Variants in MYLK observed in about 807,000 individuals in gnomAD.
MYLK encodes myosin light chain kinase, smooth muscle.
MYLK carries 106 observed loss-of-function variants against 203.4 expected under a neutral mutation model. The observed-to-expected ratio is 0.52, with a 90% CI of 0.45 to 0.61. The LOEUF is 0.61. MYLK is among the 20% of genes least tolerant of loss of function. The probability of loss-of-function intolerance (pLI) is 0.00; values close to 1 mark genes in which losing one functional copy is unlikely to be tolerated. For synonymous variants in MYLK, 867 were observed against 959.5 expected, an observed-to-expected ratio of 0.90 and a Z score of 1.78; for missense variants, 2,072 against 2,442.3, an observed-to-expected ratio of 0.85 and a Z score of 3.20.
chr3:123,803,906 T>A (rs546538079), intron 3 of MYLK, among the ~76,000 whole-genome samples: 1 of 152,262 alleles, frequency 6.6e-6, no homozygotes, highest in African/African-American at 2.4e-5. Flanking sequence ...TTGGATGAGG[T>A]CTGTCCAGAG....
intron 13 of MYLK, among the ~76,000 whole-genome samples, chr3:123,712,778 T>C (rs1476392013): frequency 1.3e-5 from 2 of 152,230 alleles, no homozygotes; most frequent in African/African-American, 2.4e-5. Flanking sequence ...GGAGTCGTGG[T>C]ATCATCACAG....
rs2061117951 is a variant in MYLK at position 123,700,010 on chromosome 3, G to A, written c.3448+10C>T. Reference sequence around the variant, plus strand: ...AGGCCCCTTCTTCCCCAACCCCCATGCTCATTTACCTTCCTGGGAGAGGAT... The same window carrying A: ...AGGCCCCTTCTTCCCCAACCCCCATACTCATTTACCTTCCTGGGAGAGGAT... On this transcript the variant is annotated intron_variant, in intron 18 of 33. Coordinates refer to ENST00000360304, the MANE Select transcript of MYLK (RefSeq NM_053025.4). 2.5e-6 allele frequency: 4 copies of A among 1,614,100 alleles called. No individual in the cohort carries two copies. Among genetic ancestry groups the A allele is most frequent in the South Asian group, 1.1e-5 (1 of 91,060 alleles).
At chr3:123,617,573 C>CT (rs1230541540) in intron 33 of MYLK, 1 of 152,220 alleles carries the variant, frequency 6.6e-6, no homozygotes, top group Non-Finnish European at 1.5e-5. Context: ...AAGGCATTGT[C>CT]TAGTCACATT....
chr3:123,866,686 C>T (rs1361960106), intron 2 of MYLK, among the ~76,000 whole-genome samples: 3 of 152,070 alleles, frequency 2.0e-5, no homozygotes, highest in Non-Finnish European at 4.4e-5. Context: ...TGGAAAATAC[C>T]ACATTGTCCC....
At chr3:123,653,356 G>A (rs975876674) in intron 24 of MYLK, among the ~76,000 whole-genome samples, 12 of 152,118 alleles carry the variant, frequency 7.9e-5, no homozygotes, top group Non-Finnish European at 1.8e-4. Context: ...GCAGACCGTG[G>A]AGGACTTTTG....
chr3:123,675,247 A>G (rs1264694926), intron 20 of MYLK, among the ~76,000 whole-genome samples: 1 of 152,260 alleles, frequency 6.6e-6, no homozygotes, highest in Admixed American at 6.5e-5. Context: ...AAATAGCCCA[A>G]TAAAAACATG....
At chr3:123,747,473 G>T (rs539576302) in intron 5 of MYLK, among the ~76,000 whole-genome samples, 3 of 152,308 alleles carry the variant, frequency 2.0e-5, no homozygotes, top group Non-Finnish European at 4.4e-5. Flanking sequence ...CCCAGTCAGT[G>T]TTTTCAGCAG....
chr3:123,645,771 A>G (rs2058996740), intron 27 of MYLK, among the ~76,000 whole-genome samples: 1 of 152,214 alleles, frequency 6.6e-6, no homozygotes, highest in South Asian at 2.1e-4. Flanking sequence ...TTTCTATACA[A>G]CAAAACCCCA....
Position 123,735,317 on chromosome 3 carries a change from G to T in MYLK, c.773+81C>A. 3.2e-6 allele frequency: 5 copies of T among 1,569,770 alleles called. No individual in the cohort carries two copies. In the South Asian group the frequency reaches 5.6e-5, roughly 17 times the overall value. ...TTCTTCTGCCCCATAAGATGATTCA[G>T]AAATTCAGGGCATTTCTCGGTAACA... On this transcript the variant is annotated intron_variant, in intron 9 of 33. Transcript: ENST00000360304.
intron 2 of MYLK, among the ~76,000 whole-genome samples, chr3:123,862,541 T>C (rs1261874726): frequency 6.6e-6 from 1 of 151,982 alleles, no homozygotes; most frequent in Non-Finnish European, 1.5e-5. Context: ...TAACAGAGAG[T>C]AGGCATCCTA....
chr3:123,834,406 C>T (rs1057327618), intron 2 of MYLK, among the ~76,000 whole-genome samples: 1 of 151,854 alleles, frequency 6.6e-6, no homozygotes, highest in African/African-American at 2.4e-5. Flanking sequence ...TAAAATATGT[C>T]TTGGGATTTT....
intron 2 of MYLK, among the ~76,000 whole-genome samples, chr3:123,855,145 C>A (rs970495064): frequency 9.2e-5 from 14 of 152,198 alleles, no homozygotes; most frequent in African/African-American, 3.4e-4. Context: ...TTACTCAATT[C>A]TGGAAAATTA....
In MYLK at chr3:123,770,561, G is replaced by A. The variant is rs1396853430; in HGVS notation, c.166-18023C>T. On this transcript the variant is annotated intron_variant, in intron 4 of 33. Transcript: ENST00000360304. ...GGCATCACTGACAGACTGCGTCCAG[G>A]TACAAGTGCCACGTGTTAATAGGAT... is the stretch of plus-strand genomic sequence containing the variant. 3.9e-5 allele frequency among the ~76,000 whole-genome samples: 6 copies of A among 152,202 alleles called. No homozygotes were observed. In the South Asian group the frequency reaches 1.2e-3, roughly 32 times the overall value.
intron 20 of MYLK, among the ~76,000 whole-genome samples, chr3:123,670,436 T>C (rs1011023469): frequency 6.6e-6 from 1 of 152,012 alleles, no homozygotes; most frequent in Admixed American, 6.5e-5. Flanking sequence ...ACAGCAGTGG[T>C]ATGAGGATAG....
At chr3:123,742,612 C>T (rs2062888752) in intron 5 of MYLK, among the ~76,000 whole-genome samples, 1 of 152,144 alleles carries the variant, frequency 6.6e-6, no homozygotes, top group Non-Finnish European at 1.5e-5. Context: ...CATACAACAG[C>T]ATTATCCAGT....
At chr3:123,807,416 G>A (rs1353858531) in intron 3 of MYLK, among the ~76,000 whole-genome samples, 2 of 150,114 alleles carry the variant, frequency 1.3e-5, no homozygotes, top group Admixed American at 6.6e-5. Flanking sequence ...GCAATGGAGT[G>A]AAACTCCATC....
Position 123,701,399 on chromosome 3 carries a change from G to C in MYLK, c.2462+39C>G, listed in dbSNP as rs73860127. Reference sequence around the variant, plus strand: ...CGGGGCCAGGAGGAAGGTGGGGATGGGGGCATGGCCTGGAGGGGCAGCTCC... The same window carrying C: ...CGGGGCCAGGAGGAAGGTGGGGATGCGGGCATGGCCTGGAGGGGCAGCTCC... On this transcript the variant is annotated intron_variant, in intron 17 of 33. Transcript: ENST00000360304. 447 of 1,603,120 alleles carry C rather than the reference G, an allele frequency of 2.8e-4. 3 individuals are homozygous for C. The African/African-American group carries it at 5.5e-3, about 20-fold the overall frequency.
At chr3:123,726,516 G>A (rs1242273672) in intron 11 of MYLK, among the ~76,000 whole-genome samples, 1 of 152,014 alleles carries the variant, frequency 6.6e-6, no homozygotes, top group Non-Finnish European at 1.5e-5. Flanking sequence ...CTCTTTACTT[G>A]TATAAGCCAC....
chr3:123,878,419 G>A (rs2033293940), intron 1 of MYLK, among the ~76,000 whole-genome samples: 1 of 152,170 alleles, frequency 6.6e-6, no homozygotes, highest in Admixed American at 6.5e-5. Context: ...CCAGGAAAGG[G>A]GAACAGCACT....
Sources: allele counts gnomAD v4.1 joint callset (sites outside exome capture counted in the v4.1 genomes callset), GRCh38; gene constraint gnomAD v4.1.1; transcripts MANE v1.5; gene names NCBI Gene and HGNC (gene_info 2026-07-23, HGNC 2026-07-21).